SAMD12: variants seen among roughly 807,000 people sequenced by gnomAD.
The protein encoded by SAMD12 is sterile alpha motif domain-containing protein 12.
A neutral mutation model predicts 15.0 loss-of-function variants in SAMD12; 9 were observed. That is an observed-to-expected ratio of 0.60 (90% CI 0.36 to 1.05). SAMD12 has a LOEUF of 1.05. Ranked by LOEUF, SAMD12 falls within the 50% of genes least tolerant of loss-of-function variation. The pLI, the probability that SAMD12 is intolerant of heterozygous loss-of-function variation, is 0.01. For missense variants in SAMD12, 230 were observed against 234.2 expected (o/e 0.98, Z 0.12); for synonymous variants, 86 against 90.1 (o/e 0.96, Z 0.25).
rs1176154592 is a variant in SAMD12 at position 118,379,293 on chromosome 8, A to G, written c.*124T>C. 4.6e-5 allele frequency: 67 copies of G among 1,464,798 alleles called. No individual in the cohort carries two copies. Among genetic ancestry groups the G allele is most frequent in the Non-Finnish European group, 5.8e-5 (65 of 1,112,798 alleles). 90.7% of individuals were successfully genotyped at this position (1,464,798 alleles called of 1,614,324 possible). On this transcript the variant is annotated 3_prime_UTR_variant, in exon 4 of 4. Transcript: ENST00000314727. ...ATTCTCTGGGGTTGTGCAGTACACA[A>G]TCCATACAACTGTACGTGACCACCT...
At chr8:118,260,429 T>TA (rs1586395167) in intron 4 of SAMD12, among the ~76,000 whole-genome samples, 1 of 152,226 alleles carries the variant, frequency 6.6e-6, no homozygotes, top group East Asian at 1.9e-4. Context: ...TTAATTACTA[T>TA]GGATTATTAA....
At chr8:118,446,957 A>T (rs1377454197) in intron 2 of SAMD12, among the ~76,000 whole-genome samples, 1 of 152,184 alleles carries the variant, frequency 6.6e-6, no homozygotes, top group Non-Finnish European at 1.5e-5. Context: ...TAATAAATAT[A>T]TCAAACTCAA....
At chr8:118,227,666 T>C (rs1812217982) in intron 4 of SAMD12, among the ~76,000 whole-genome samples, 1 of 152,210 alleles carries the variant, frequency 6.6e-6, no homozygotes, top group African/African-American at 2.4e-5. Context: ...ATTGAACATG[T>C]TATAGAGCTT....
chr8:118,550,671 C>T (rs922366726), intron 2 of SAMD12, among the ~76,000 whole-genome samples: 2 of 151,714 alleles, frequency 1.3e-5, no homozygotes, highest in Non-Finnish European at 2.9e-5. Context: ...CAAATTCACA[C>T]ATAACAATAT....
the SAMD12 span, among the ~76,000 whole-genome samples, chr8:118,180,552 C>CTA: frequency 2.8e-5 from 4 of 141,622 alleles, no homozygotes; most frequent in Admixed American, 2.7e-4. Context: ...CTCTCTCCCT[C>CTA]TCTCTCTCTC....
intron 4 of SAMD12, among the ~76,000 whole-genome samples, chr8:118,282,677 G>A (rs562843151): frequency 6.6e-6 from 1 of 152,162 alleles, no homozygotes; most frequent in African/African-American, 2.4e-5. Flanking sequence ...TCAGGATACA[G>A]ATGCTTAAGT....
chr8:118,537,976 G>C (rs1187208374), intron 2 of SAMD12, among the ~76,000 whole-genome samples: 1 of 152,198 alleles, frequency 6.6e-6, no homozygotes, highest in East Asian at 1.9e-4. Context: ...CTTAGGTGTT[G>C]TGATCTAAGT....
chr8:118,554,894 C>T (rs1476394258), intron 2 of SAMD12, among the ~76,000 whole-genome samples: 2 of 152,076 alleles, frequency 1.3e-5, no homozygotes, highest in Admixed American at 6.5e-5. Flanking sequence ...ACACGTCAAC[C>T]ACATGAGCCA....
chr8:118,271,625 C>G (rs1198421870), intron 4 of SAMD12, among the ~76,000 whole-genome samples: 1 of 152,172 alleles, frequency 6.6e-6, no homozygotes, highest in Admixed American at 6.5e-5. Flanking sequence ...AACTCAAAAG[C>G]AAGTTAGTTA....
At chr8:118,144,173 T>C in the SAMD12 span, among the ~76,000 whole-genome samples, 1 of 152,208 alleles carries the variant, frequency 6.6e-6, no homozygotes, top group African/African-American at 2.4e-5. Context: ...CGAGGATCTC[T>C]GGACAGCATT....
At chr8:118,376,878 T>C (rs2041380822), downstream of SAMD12, among the ~76,000 whole-genome samples, 1 of 152,200 alleles carries the variant, frequency 6.6e-6, no homozygotes, top group Admixed American at 6.5e-5. Context: ...ATATGATATA[T>C]ATTTTAAACT....
intron 2 of SAMD12, among the ~76,000 whole-genome samples, chr8:118,534,875 G>C (rs777527032): frequency 6.6e-6 from 1 of 151,998 alleles, no homozygotes; most frequent in Non-Finnish European, 1.5e-5. Flanking sequence ...TAGCTTCTTT[G>C]TGATGGGTTC....
At chr8:118,248,343 C>T in intron 4 of SAMD12, among the ~76,000 whole-genome samples, 1 of 152,142 alleles carries the variant, frequency 6.6e-6, no homozygotes, top group Non-Finnish European at 1.5e-5. Flanking sequence ...CACACGGAGT[C>T]CTGTTCTTGC....
At chr8:118,214,071 G>A (rs778234021) in intron 4 of SAMD12, among the ~76,000 whole-genome samples, 2 of 152,186 alleles carry the variant, frequency 1.3e-5, no homozygotes, top group Non-Finnish European at 2.9e-5. Flanking sequence ...ATACTGTCAA[G>A]CTTTTTTAGA....
At chr8:118,587,668 C>T (rs933120001) in intron 1 of SAMD12, among the ~76,000 whole-genome samples, 5 of 152,214 alleles carry the variant, frequency 3.3e-5, no homozygotes, top group Admixed American at 3.3e-4. Flanking sequence ...ACAGTACATG[C>T]TGTGACCACA....
downstream of SAMD12, among the ~76,000 whole-genome samples, chr8:118,185,258 A>C (rs2514736): frequency 0.58 from 88,248 of 151,954 alleles, 26,379 homozygotes; most frequent in Middle Eastern, 0.66. Context: ...ATTTCAAAAG[A>C]TTTTGGGGTT....
At chr8:118,400,054 T>C (rs1820792680) in intron 3 of SAMD12, among the ~76,000 whole-genome samples, 1 of 152,224 alleles carries the variant, frequency 6.6e-6, no homozygotes, top group African/African-American at 2.4e-5. Context: ...TAAAACACTA[T>C]GAGCACTATA....
the SAMD12 span, among the ~76,000 whole-genome samples, chr8:118,184,023 A>C: frequency 3.3e-5 from 5 of 152,228 alleles, no homozygotes; most frequent in Admixed American, 3.3e-4. Context: ...GAGGTGATGT[A>C]AAGAATATTT....
rs140086678 is a variant in SAMD12 at position 118,477,030 on chromosome 8, A to T, written c.193-37069T>A. Among the ~76,000 whole-genome samples, 684 of 150,826 alleles carry T rather than the reference A, an allele frequency of 4.5e-3. 4 individuals are homozygous for T. Among genetic ancestry groups the T allele is most frequent in the Middle Eastern group, 0.032 (9 of 284 alleles). On this transcript the variant is annotated intron_variant, in intron 2 of 3. Coordinates refer to ENST00000314727, the MANE Select transcript of SAMD12 (RefSeq NM_207506.3). ...TCTATTCACCGGGGTGAATTACAGC[A>T]CCGAGATGGACCACTGGCTGATTCT... is the stretch of plus-strand genomic sequence containing the variant.
Sources: gnomAD v4.1 joint callset for allele counts (sites outside exome capture counted in the v4.1 genomes callset) on GRCh38, gnomAD v4.1.1 for gene constraint, MANE v1.5 for transcripts, NCBI Gene and HGNC (gene_info 2026-07-23, HGNC 2026-07-21) for gene names.